Variants in AP3D1 observed in about 807,000 individuals in gnomAD.
AP3D1 encodes the protein adaptor related protein complex 3 subunit delta 1, also known as AP-3 complex subunit delta-1.
Under a neutral mutation model 147.6 loss-of-function variants are expected in AP3D1, and 51 were observed. The ratio of observed to expected loss-of-function variants is 0.35; its 90% CI spans 0.28 to 0.44. AP3D1 has a LOEUF of 0.44. Ranked by LOEUF, AP3D1 falls within the 20% of genes least tolerant of loss-of-function variation. The pLI is 1.00. For synonymous variants in AP3D1, 760 were observed against 663.0 expected (o/e 1.15, Z -2.25); for missense variants, 1,421 against 1,624.2 (o/e 0.87, Z 2.15).
At chr19:2,160,700 T>C (rs1189398098) in intron 1 of AP3D1, among the ~76,000 whole-genome samples, 4 of 152,128 alleles carry the variant, frequency 2.6e-5, no homozygotes, top group East Asian at 3.9e-4. Flanking sequence ...AGGATATAGA[T>C]AGAGTGCCTG....
At chr19:2,129,963 G>A (rs1335961027) in intron 6 of AP3D1, among the ~76,000 whole-genome samples, 1 of 152,182 alleles carries the variant, frequency 6.6e-6, no homozygotes, top group Non-Finnish European at 1.5e-5. Context: ...ACACGCCAGA[G>A]GCTTCACACA....
At chr19:2,138,779 G>T in intron 1 of AP3D1, 65 bp from the exon 2 acceptor site, 1 of 1,231,452 alleles carries the variant, frequency 8.1e-7, no homozygotes, top group Non-Finnish European at 1.2e-6. Context: ...TAATGATTTC[G>T]GGCCAGGCAC....
intron 14 of AP3D1, among the ~76,000 whole-genome samples, chr19:2,119,662 C>G (rs1373581150): frequency 1.4e-5 from 2 of 140,018 alleles, no homozygotes; most frequent in Admixed American, 1.5e-4. Flanking sequence ...TGCCACTGCA[C>G]TCCAGCCTGG....
chr19:2,159,892 A>AT (rs2019682004), intron 1 of AP3D1, among the ~76,000 whole-genome samples: 1 of 150,658 alleles, frequency 6.6e-6, no homozygotes, highest in Non-Finnish European at 1.5e-5. Flanking sequence ...AATTTTTTGT[A>AT]TTTTTAGTAG....
intron 31 of AP3D1, among the ~76,000 whole-genome samples, chr19:2,107,018 C>T (rs1056885508): frequency 6.6e-6 from 1 of 152,122 alleles, no homozygotes; most frequent in East Asian, 1.9e-4. Flanking sequence ...AATCCCAGCA[C>T]TTTGGGAGGC....
rs897900115 is a variant in AP3D1 at position 2,101,279 on chromosome 19, T to TG, written c.*893dup. ...AGCGGAGTCTCCTTGCCCTGCCTGG[T>TG]GGGGGCTCTGCCTGTGAGGTGGCTC... On this transcript the variant is annotated 3_prime_UTR_variant, in exon 32 of 32. Coordinates refer to ENST00000643116, the MANE Select transcript of AP3D1 (RefSeq NM_001261826.3). 4 of 152,262 alleles carry TG rather than the reference T, an allele frequency of 2.6e-5. No homozygotes were observed. The highest frequency in any genetic ancestry group is 9.7e-5 in the African/African-American group (4 of 41,366). The allele number at this position is 152,262 out of a possible 1,614,324, so 9.4% of individuals were successfully genotyped here.
chr19:2,135,993 C>T (rs1016875262), intron 4 of AP3D1, among the ~76,000 whole-genome samples: 1 of 151,686 alleles, frequency 6.6e-6, no homozygotes, highest in Non-Finnish European at 1.5e-5. Context: ...GAGACTCCCG[C>T]CCAGGCCCCT....
In AP3D1 at chr19:2,111,749, T is replaced by A. The variant is rs1446025398; in HGVS notation, c.2867A>T (p.Gln956Leu). Residue 956 changes from glutamine to leucine, a missense_variant, in exon 25 of 32, where the codon CAG (glutamine) becomes CTG (leucine). Physicochemically the swap from Gln to Leu is moderately radical, Grantham distance 113. Transcript: ENST00000643116. ...RTKGKKKSKK[Q>L]PPGSEEAAGE... ...CGCTGCCTCCTCGCTGCCTGGAGGC[T>A]GCTTCTTGGACTTCTTCTTGCCTTT... 1.2e-6 allele frequency: 2 copies of A among 1,610,576 alleles called. No individual in the cohort carries two copies. The highest frequency in any genetic ancestry group is 8.5e-7 in the Non-Finnish European group (1 of 1,178,540).
intron 12 of AP3D1, 106 bp downstream of exon 12, chr19:2,121,628 C>T (rs1053240553): frequency 7.1e-6 from 10 of 1,415,228 alleles, no homozygotes; most frequent in South Asian, 1.4e-5. Context: ...AACTGATGGC[C>T]GAGTGTGAGG....
intron 1 of AP3D1, among the ~76,000 whole-genome samples, chr19:2,146,737 G>T (rs559458978): frequency 1.3e-5 from 2 of 152,162 alleles, no homozygotes; most frequent in Non-Finnish European, 2.9e-5. Context: ...GTGACAGCAC[G>T]GGGGACGAGG....
At chr19:2,136,720 G>T (rs1396152408) in intron 4 of AP3D1, among the ~76,000 whole-genome samples, 1 of 152,200 alleles carries the variant, frequency 6.6e-6, no homozygotes, top group Non-Finnish European at 1.5e-5. Flanking sequence ...GGCCAGCTGC[G>T]AGTGGACCCT....
At chr19:2,130,598 CT>C (rs2018912803) in intron 5 of AP3D1, 61 bp from the exon 6 acceptor site, 1 of 1,598,950 alleles carries the variant, frequency 6.3e-7, no homozygotes, top group Non-Finnish European at 8.5e-7. Flanking sequence ...GCTCTCGCCC[CT>C]CCCAGCCGCC....
At chr19:2,149,750 G>A (rs1164205331) in intron 1 of AP3D1, among the ~76,000 whole-genome samples, 1 of 152,168 alleles carries the variant, frequency 6.6e-6, no homozygotes, top group Non-Finnish European at 1.5e-5. Context: ...CCCATCGTCA[G>A]GGTCCCAGAA....
chr19:2,127,215 C>G lies in AP3D1; in HGVS notation c.807-14G>C, dbSNP rs1254121923. The G allele has an allele frequency of 1.2e-6, 2 of 1,613,292 alleles. No homozygotes were observed. The highest frequency in any genetic ancestry group is 4.5e-5 in the East Asian group (2 of 44,888). On this transcript the variant is annotated splice_polypyrimidine_tract_variant and intron_variant, in intron 8 of 31. Coordinates refer to ENST00000643116, the MANE Select transcript of AP3D1 (RefSeq NM_001261826.3). ...ATGGCAGACGTGCTAAGGAAAGGAA[C>G]ACAGGGAAGCGGCATGAGGACTGGG...
At chr19:2,108,028 G>C (rs2018160807) in intron 31 of AP3D1, among the ~76,000 whole-genome samples, 1 of 152,184 alleles carries the variant, frequency 6.6e-6, no homozygotes, top group Non-Finnish European at 1.5e-5. Context: ...CTGCAGAAAA[G>C]GAACTCCCCA....
intron 15 of AP3D1, among the ~76,000 whole-genome samples, chr19:2,117,684 G>A (rs575333524): frequency 6.6e-6 from 1 of 152,240 alleles, no homozygotes; most frequent in Non-Finnish European, 1.5e-5. Flanking sequence ...CGGGCTCCCC[G>A]CCTCTGTGCT....
At chr19:2,159,482 G>C (rs534028582) in intron 1 of AP3D1, among the ~76,000 whole-genome samples, 12 of 148,364 alleles carry the variant, frequency 8.1e-5, no homozygotes, top group South Asian at 4.3e-4. Flanking sequence ...TCCGCCTCCC[G>C]GGTTCAAGCG....
chr19:2,117,861 C>G (rs900848391), intron 15 of AP3D1, among the ~76,000 whole-genome samples: 1 of 152,252 alleles, frequency 6.6e-6, no homozygotes, highest in Admixed American at 6.5e-5. Flanking sequence ...ACGCCACTCC[C>G]GACCTCTCTC....
chr19:2,111,604 G>C, intron 25 of AP3D1, 75 bp downstream of exon 25: 1 of 1,479,272 alleles, frequency 6.8e-7, no homozygotes, highest in Non-Finnish European at 9.1e-7. Context: ...CCGCATGGAG[G>C]CTGCAGGAGT....
Sources: gnomAD v4.1 joint callset for allele counts (sites outside exome capture counted in the v4.1 genomes callset) on GRCh38, gnomAD v4.1.1 for gene constraint, MANE v1.5 for transcripts, NCBI Gene and HGNC (gene_info 2026-07-23, HGNC 2026-07-21) for gene names.